The following AIF1L variants were observed in gnomAD, a reference collection of about 807,000 sequenced individuals.
AIF1L encodes allograft inflammatory factor 1-like.
A neutral mutation model predicts 20.7 loss-of-function variants in AIF1L; 12 were observed. The observed-to-expected ratio is 0.58, with a 90% CI of 0.37 to 0.94. The LOEUF is 0.94. Ranked by LOEUF, AIF1L falls within the 40% of genes least tolerant of loss-of-function variation. AIF1L has a pLI of 0.01. For synonymous variants in AIF1L, 76 were observed against 65.1 expected, an observed-to-expected ratio of 1.17 and a Z score of -0.81; for missense variants, 173 against 185.3, an observed-to-expected ratio of 0.93 and a Z score of 0.39.
At position 131,118,006 on chromosome 9, in the gene AIF1L, C is replaced by T. The variant is rs913008513; in HGVS notation, c.365+88C>T. 9 of 1,409,874 alleles carry T rather than the reference C, an allele frequency of 6.4e-6. No homozygotes were observed. In the African/African-American group the frequency reaches 1.2e-4, roughly 18 times the overall value. 87.3% of individuals were successfully genotyped at this position (1,409,874 alleles called of 1,614,324 possible). A position where few individuals can be genotyped will look rare whatever the true frequency, so the allele number is the denominator to read the frequency against. Reference sequence around the variant, plus strand: ...CTGGCTCTGGGCACCCCAGCCATTCCCCACCTAGTAGGTAACTCATTGTGC... The same window carrying T: ...CTGGCTCTGGGCACCCCAGCCATTCTCCACCTAGTAGGTAACTCATTGTGC... On this transcript the variant is annotated intron_variant, in intron 5 of 5. Transcript: ENST00000247291.
At position 131,121,900 on chromosome 9, in the gene AIF1L, T is replaced by A. The variant is rs1157921457; in HGVS notation, c.*1578T>A. On this transcript the variant is annotated 3_prime_UTR_variant, in exon 6 of 6. Transcript: ENST00000247291. ...TGTTCAGCCTTAACCCCACCTGTGT[T>A]CTGAAGTCTCTTACCCTACCTGCTC... 1.3e-5 allele frequency: 2 copies of A among 152,376 alleles called. No homozygotes were observed. Among genetic ancestry groups the A allele is most frequent in the East Asian group, 3.9e-4 (2 of 5,190 alleles). The allele number at this position is 152,376 out of a possible 1,614,324, so 9.4% of individuals were successfully genotyped here.
Position 131,121,327 on chromosome 9 carries a change from T to C in AIF1L, c.*1005T>C, listed in dbSNP as rs1831133752. On this transcript the variant is annotated 3_prime_UTR_variant, in exon 6 of 6. Coordinates refer to ENST00000247291, the MANE Select transcript of AIF1L (RefSeq NM_031426.4). The stretch of plus-strand genomic sequence containing the variant: ...CACCAGATATTTATTGACCTGCTAT[T>C]ATAAGCTTTACATCCTCCCATGTTG... 3 of 556,920 alleles carry C rather than the reference T, an allele frequency of 5.4e-6. No individual in the cohort carries two copies. Among genetic ancestry groups the C allele is most frequent in the Admixed American group, 6.4e-5 (2 of 31,444 alleles). The allele number at this position is 556,920 out of a possible 1,614,324, so 34.5% of individuals were successfully genotyped here.
intron 4 of AIF1L, among the ~76,000 whole-genome samples, chr9:131,115,256 C>T (rs1564168658): frequency 1.3e-5 from 2 of 151,876 alleles, no homozygotes; most frequent in African/African-American, 2.4e-5. Context: ...TCAAGACCAG[C>T]CTGGCCAACA....
chr9:131,103,357 G>C (rs1319712593), intron 2 of AIF1L, among the ~76,000 whole-genome samples: 1 of 152,208 alleles, frequency 6.6e-6, no homozygotes, highest in Non-Finnish European at 1.5e-5. Context: ...TCACGGAGGA[G>C]CACAGCATGG....
intron 2 of AIF1L, among the ~76,000 whole-genome samples, chr9:131,099,547 C>T: frequency 6.6e-6 from 1 of 152,226 alleles, no homozygotes; most frequent in Non-Finnish European, 1.5e-5. Flanking sequence ...CCAGGATTCA[C>T]TGCCAAAGCC....
Position 131,106,317 on chromosome 9 carries a change from A to G in AIF1L, c.94-5280A>G, listed in dbSNP as rs1830747238. On this transcript the variant is annotated intron_variant, in intron 2 of 5. Transcript: ENST00000247291. The stretch of plus-strand genomic sequence containing the variant: ...TCCTCCACTCATCCTGCACATGTTT[A>G]TTGAGCGTCTGCTATGTGGAACCTA... 3.1e-6 allele frequency: 4 copies of G among 1,289,768 alleles called. No homozygotes were observed. The African/African-American group carries it at 5.9e-5, about 19-fold the overall frequency. 79.9% of individuals were successfully genotyped at this position (1,289,768 alleles called of 1,614,324 possible).
At position 131,122,000 on chromosome 9, in the gene AIF1L, G is replaced by C. The variant is rs775191055; in HGVS notation, c.*1678G>C. On this transcript the variant is annotated 3_prime_UTR_variant, in exon 6 of 6. Coordinates refer to ENST00000247291, the MANE Select transcript of AIF1L (RefSeq NM_031426.4). ...GGCCAACAGTTAAGAATCCAATAAT[G>C]AAATGGACAGATTCATGGAACTTAG... 8 of 152,246 alleles carry C rather than the reference G, an allele frequency of 5.3e-5. No individual in the cohort carries two copies. Among genetic ancestry groups the C allele is most frequent in the Non-Finnish European group, 1.0e-4 (7 of 68,048 alleles). 9.4% of individuals were successfully genotyped at this position (152,246 alleles called of 1,614,324 possible). A position where few individuals can be genotyped will look rare whatever the true frequency, so the allele number is the denominator to read the frequency against.
intron 4 of AIF1L, 95 bp downstream of exon 4, chr9:131,114,713 C>CGGAA: frequency 6.7e-7 from 1 of 1,501,200 alleles, no homozygotes; most frequent in African/African-American, 1.4e-5. Context: ...TGGGGCAGTC[C>CGGAA]GGAAGGCTGG....
intron 2 of AIF1L, among the ~76,000 whole-genome samples, chr9:131,101,349 T>C (rs1830636629): frequency 6.6e-6 from 1 of 151,884 alleles, no homozygotes; most frequent in Non-Finnish European, 1.5e-5. Context: ...AGGATTATCA[T>C]GACTCCTTTT....
At chr9:131,105,069 G>A (rs891363231) in intron 2 of AIF1L, among the ~76,000 whole-genome samples, 1 of 152,166 alleles carries the variant, frequency 6.6e-6, no homozygotes, top group African/African-American at 2.4e-5. Flanking sequence ...AGGGGTCCTG[G>A]AAAGACAGGG....
chr9:131,118,096 G>GT (rs1024276496), intron 5 of AIF1L, among the ~76,000 whole-genome samples, 178 bp downstream of exon 5: 19 of 151,136 alleles, frequency 1.3e-4, no homozygotes, highest in East Asian at 3.9e-4. Flanking sequence ...TTGTTTGTTT[G>GT]TTTTTTTTTC....
rs536317752 is a variant in AIF1L at position 131,100,592 on chromosome 9, A to G, written c.93+3729A>G. ...CCAGCTCCATTTGCTGTGTGTTTGT[A>G]TGTGCACGCACGTGTGTACATAGCA... On this transcript the variant is annotated intron_variant, in intron 2 of 5. Transcript: ENST00000247291. Among the ~76,000 whole-genome samples the G allele has an allele frequency of 6.4e-4, 97 of 152,292 alleles. 1 individual carries two copies. The highest frequency in any genetic ancestry group is 9.9e-4 in the Non-Finnish European group (67 of 68,020).
chr9:131,099,298 C>T (rs990884600), intron 2 of AIF1L, among the ~76,000 whole-genome samples: 24 of 152,186 alleles, frequency 1.6e-4, no homozygotes, highest in African/African-American at 5.8e-4. Flanking sequence ...GGGATCTCTG[C>T]CCCTCTGGAG....
chr9:131,096,811 C>T lies in AIF1L; in HGVS notation c.41C>T (p.Ala14Val), dbSNP rs1433567935. The T allele has an allele frequency of 3.9e-6, 6 of 1,536,162 alleles. No homozygotes were observed. The highest frequency in any genetic ancestry group is 4.4e-6 in the Non-Finnish European group (5 of 1,142,382). The stretch of plus-strand genomic sequence containing the variant: ...TCTTTGTCTCCTCCAGGAGGGAAGG[C>T]GTTCGGCTTGCTCAAAGCCCGGCAG... ...ELSNRFQGGK[A>V]FGLLKARQER... Residue 14 changes from alanine (A) to valine (V), a missense_variant, in exon 2 of 6, where the codon GCG becomes GTG. Physicochemically the swap from Ala to Val is moderately conservative, Grantham distance 64. Transcript: ENST00000247291.
intron 4 of AIF1L, among the ~76,000 whole-genome samples, chr9:131,115,536 C>T (rs370354366): frequency 1.2e-4 from 18 of 151,790 alleles, no homozygotes; most frequent in Non-Finnish European, 2.4e-4. Flanking sequence ...AGGGCCCAGC[C>T]GTTGGTTTCT....
At chr9:131,106,370 G>A (rs547804942) in intron 2 of AIF1L, 8 of 839,610 alleles carry the variant, frequency 9.5e-6, no homozygotes, top group Admixed American at 4.1e-5. Context: ...CAGAGAGGGT[G>A]TAGTAACCTC....
chr9:131,119,299 G>T (rs937526177), intron 5 of AIF1L, among the ~76,000 whole-genome samples: 1 of 152,182 alleles, frequency 6.6e-6, no homozygotes, highest in African/African-American at 2.4e-5. Flanking sequence ...TCAGGAGTTC[G>T]AGACTAGCCT....
rs887314647 is a variant in AIF1L, at chr9:131,109,180, C to A, written c.94-2417C>A. Among the ~76,000 whole-genome samples, 5 of 131,042 alleles carry A rather than the reference C, an allele frequency of 3.8e-5. No individual in the cohort carries two copies. In the South Asian group the frequency reaches 1.4e-3, roughly 38 times the overall value. 86.0% of individuals were successfully genotyped at this position (131,042 alleles called of 152,430 possible). ...TGAGTGCTGTGTGCACTGTGTCCCCCCAGAATGTTGAATGAGTGAATGAAT... is the reference window on the plus strand; with the variant it reads ...TGAGTGCTGTGTGCACTGTGTCCCCACAGAATGTTGAATGAGTGAATGAAT... On this transcript the variant is annotated intron_variant, in intron 2 of 5. Coordinates refer to ENST00000247291, the MANE Select transcript of AIF1L (RefSeq NM_031426.4).
At chr9:131,110,825 C>G (rs773977902) in intron 2 of AIF1L, among the ~76,000 whole-genome samples, 6 of 151,934 alleles carry the variant, frequency 3.9e-5, no homozygotes, top group Non-Finnish European at 7.4e-5. Flanking sequence ...TATACAAACT[C>G]AAGAAGCAGA....
Sources: allele counts gnomAD v4.1 joint callset (sites outside exome capture counted in the v4.1 genomes callset), GRCh38; gene constraint gnomAD v4.1.1; transcripts MANE v1.5; gene names NCBI Gene and HGNC (gene_info 2026-07-23, HGNC 2026-07-21).